Variants in PIERCE1 observed in about 807,000 individuals in gnomAD.
PIERCE1 encodes piercer of microtubule wall 1 protein.
the PIERCE1 span, chr9:135,499,156 A>G: frequency 2.6e-5 from 8 of 304,770 alleles, no homozygotes; most frequent in Non-Finnish European, 4.5e-5. Flanking sequence ...GCTTTACTTT[A>G]TACTCCTAGA....
At chr9:135,499,435 A>G in the PIERCE1 span, 1 of 680,084 alleles carries the variant, frequency 1.5e-6, no homozygotes, top group South Asian at 1.5e-5. Flanking sequence ...AGAGGAGAGG[A>G]GACTCACCCG....
the PIERCE1 span, chr9:135,495,576 G>A: frequency 6.2e-7 from 1 of 1,613,832 alleles, no homozygotes; most frequent in Non-Finnish European, 8.5e-7. Flanking sequence ...CCCGCTGCAA[G>A]TTGTTGGGAA....
At chr9:135,498,206 C>CA in the PIERCE1 span, among the ~76,000 whole-genome samples, 105 of 151,034 alleles carry the variant, frequency 7.0e-4, 1 homozygote, top group Middle Eastern at 3.4e-3. This position sits in a 1 kb window ranked among gnomAD's most constrained non-coding sequence, Gnocchi z 4.1. Context: ...AGTACAATTC[C>CA]AAAAAAAAAG....
At chr9:135,497,135 T>G in the PIERCE1 span, among the ~76,000 whole-genome samples, 1 of 152,082 alleles carries the variant, frequency 6.6e-6, no homozygotes, top group East Asian at 1.9e-4. Context: ...TTATCTTCTA[T>G]TCCCACATGG....
the PIERCE1 span, among the ~76,000 whole-genome samples, chr9:135,496,845 C>T: frequency 3.3e-5 from 5 of 149,712 alleles, no homozygotes; most frequent in Admixed American, 1.3e-4. Flanking sequence ...TCACCCACGC[C>T]GGCGTGCAAT....
chr9:135,496,748 AG>A, the PIERCE1 span, among the ~76,000 whole-genome samples: 1 of 150,214 alleles, frequency 6.7e-6, no homozygotes, highest in Non-Finnish European at 1.5e-5. Context: ...GTATCATCAC[AG>A]GGATCCGCCC....
chr9:135,498,932 T>C, the PIERCE1 span: 1 of 456,020 alleles, frequency 2.2e-6, no homozygotes, highest in South Asian at 2.7e-5. The surrounding 1 kb of genome is among the most constrained non-coding windows in gnomAD (Gnocchi z 4.1). Context: ...AGCCAGCAAG[T>C]GCTGATCCCC....
chr9:135,499,507 C>G, the PIERCE1 span: 1 of 770,498 alleles, frequency 1.3e-6, no homozygotes, highest in East Asian at 2.7e-5. Context: ...CTGCCCCCCA[C>G]TGCCCTTATC....
the PIERCE1 span, chr9:135,498,529 T>C: frequency 6.5e-7 from 1 of 1,531,944 alleles, no homozygotes; most frequent in South Asian, 1.1e-5. The surrounding 1 kb of genome is among the most constrained non-coding windows in gnomAD (Gnocchi z 4.1). Context: ...GTTTTTAGCC[T>C]CTTCTTGAGG....
At chr9:135,498,274 G>A in the PIERCE1 span, among the ~76,000 whole-genome samples, 36 of 147,870 alleles carry the variant, frequency 2.4e-4, no homozygotes, top group African/African-American at 7.7e-4. The surrounding 1 kb of genome is among the most constrained non-coding windows in gnomAD (Gnocchi z 4.1). Flanking sequence ...AGATGGTTGC[G>A]TGTGTGTGTG....
At chr9:135,498,351 CTT>C in the PIERCE1 span, among the ~76,000 whole-genome samples, 1 of 152,108 alleles carries the variant, frequency 6.6e-6, no homozygotes, top group Non-Finnish European at 1.5e-5. This position sits in a 1 kb window ranked among gnomAD's most constrained non-coding sequence, Gnocchi z 4.1. Context: ...ATATCCTCCT[CTT>C]TTAAAACACT....
the PIERCE1 span, among the ~76,000 whole-genome samples, chr9:135,496,793 C>CCT: frequency 3.1e-5 from 3 of 95,254 alleles, no homozygotes; most frequent in Non-Finnish European, 5.9e-5. Context: ...CCCTTCAGTG[C>CCT]ATTTTTTTTT....
At chr9:135,497,511 C>G in the PIERCE1 span, among the ~76,000 whole-genome samples, 15 of 152,238 alleles carry the variant, frequency 9.9e-5, no homozygotes, top group South Asian at 2.3e-3. Flanking sequence ...CCTCAACCTC[C>G]TGGGCTCAAG....
the PIERCE1 span, among the ~76,000 whole-genome samples, chr9:135,497,088 C>T: frequency 2.6e-5 from 4 of 152,234 alleles, no homozygotes; most frequent in African/African-American, 7.2e-5. Context: ...TGAGCCACCA[C>T]GCCCAGCCTT....
chr9:135,499,810 C>A, the PIERCE1 span: 1 of 1,603,144 alleles, frequency 6.2e-7, no homozygotes, highest in Non-Finnish European at 8.5e-7. Flanking sequence ...TGGCCTTGGG[C>A]GCCACAGGCT....
the PIERCE1 span, chr9:135,498,694 C>A: frequency 1.9e-6 from 3 of 1,586,114 alleles, no homozygotes; most frequent in East Asian, 2.2e-5. This position sits in a 1 kb window ranked among gnomAD's most constrained non-coding sequence, Gnocchi z 4.1. Flanking sequence ...TATTTTCATT[C>A]ATTTACTCTA....
chr9:135,495,630 G>C, the PIERCE1 span: 2 of 1,595,194 alleles, frequency 1.3e-6, no homozygotes, highest in Non-Finnish European at 1.7e-6. Context: ...AAGAGATAAA[G>C]GAACACGGAT....
the PIERCE1 span, among the ~76,000 whole-genome samples, chr9:135,499,207 T>C: frequency 1.3e-5 from 2 of 152,228 alleles, no homozygotes; most frequent in Non-Finnish European, 2.9e-5. Context: ...GTCATCTCAA[T>C]GCGAGAATGA....
At chr9:135,495,511 A>G in the PIERCE1 span, 41 of 1,614,044 alleles carry the variant, frequency 2.5e-5, no homozygotes, top group Non-Finnish European at 3.1e-5. Flanking sequence ...TATCGGGGCC[A>G]GTCACGATGC....
Sources: allele counts gnomAD v4.1 joint callset (sites outside exome capture counted in the v4.1 genomes callset), GRCh38; gene constraint gnomAD v4.1.1; non-coding constraint Gnocchi (gnomAD v3.1); transcripts MANE v1.5; gene names NCBI Gene and HGNC (gene_info 2026-07-23, HGNC 2026-07-21).